Variants in INTS4 observed in about 807,000 individuals in gnomAD.
INTS4 encodes integrator complex subunit 4, also known as MSTP093.
In INTS4, 70 loss-of-function variants were observed where a neutral mutation model predicts 119.5. The ratio of observed to expected loss-of-function variants is 0.59; its 90% CI spans 0.48 to 0.71. INTS4 has a LOEUF of 0.71. Ranked by LOEUF, INTS4 falls within the 30% of genes least tolerant of loss-of-function variation. The probability of loss-of-function intolerance (pLI) is 0.00; values close to 1 mark genes in which losing one functional copy is unlikely to be tolerated. For missense variants in INTS4, 867 were observed against 1,173.2 expected, an observed-to-expected ratio of 0.74 and a Z score of 3.81; for synonymous variants, 316 against 419.6, an observed-to-expected ratio of 0.75 and a Z score of 3.02.
At chr11:77,963,041 A>G (rs1287040341) in intron 4 of INTS4, among the ~76,000 whole-genome samples, 1 of 152,100 alleles carries the variant, frequency 6.6e-6, no homozygotes, top group Non-Finnish European at 1.5e-5. Context: ...TTCAAAAACA[A>G]AACAAATGAA....
intron 2 of INTS4, among the ~76,000 whole-genome samples, chr11:77,989,840 A>G (rs1856595721): frequency 6.6e-6 from 1 of 152,204 alleles, no homozygotes; most frequent in Non-Finnish European, 1.5e-5. Flanking sequence ...TCGAGGGTAC[A>G]GTGAGCCGTG....
intron 2 of INTS4, among the ~76,000 whole-genome samples, chr11:77,990,185 A>AT (rs1856614162): frequency 6.7e-6 from 1 of 149,062 alleles, no homozygotes; most frequent in African/African-American, 2.5e-5. Context: ...TGCCACCACT[A>AT]TACTCCAGGC....
intron 1 of INTS4, 99 bp from the exon 2 acceptor site, chr11:77,991,398 G>A (rs763781330): frequency 1.1e-6 from 1 of 935,880 alleles, no homozygotes; most frequent in Non-Finnish European, 1.7e-6. Flanking sequence ...AATATATTTA[G>A]CTGATGGACT....
intron 21 of INTS4, among the ~76,000 whole-genome samples, chr11:77,885,893 T>C (rs1042661194): frequency 6.6e-6 from 1 of 151,780 alleles, no homozygotes; most frequent in African/African-American, 2.4e-5. Context: ...GAAAAACAAA[T>C]GAACAGGGGC....
chr11:77,907,999 T>C (rs1351921727), intron 15 of INTS4, among the ~76,000 whole-genome samples, 189 bp from the exon 16 acceptor site: 5 of 152,234 alleles, frequency 3.3e-5, no homozygotes, highest in Non-Finnish European at 7.3e-5. Context: ...TTTAAGCTGA[T>C]GTAACCCTTT....
At chr11:77,936,307 A>C (rs1010976454) in intron 10 of INTS4, among the ~76,000 whole-genome samples, 1 of 152,242 alleles carries the variant, frequency 6.6e-6, no homozygotes, top group Non-Finnish European at 1.5e-5. Flanking sequence ...AATTATAAAC[A>C]TATTATCTGT....
chr11:77,934,199 C>T (rs1953735335), intron 10 of INTS4, among the ~76,000 whole-genome samples: 1 of 151,928 alleles, frequency 6.6e-6, no homozygotes, highest in South Asian at 2.1e-4. Context: ...GCAGCATGCT[C>T]TTTAAGAGTC....
At chr11:77,980,844 C>T (rs1303039343) in intron 3 of INTS4, among the ~76,000 whole-genome samples, 3 of 151,932 alleles carry the variant, frequency 2.0e-5, no homozygotes, top group Non-Finnish European at 4.4e-5. Context: ...CAAAAAAAAT[C>T]AGCCAGGGCG....
At chr11:77,920,801 GA>G (rs1565245377) in intron 14 of INTS4, among the ~76,000 whole-genome samples, 1 of 151,910 alleles carries the variant, frequency 6.6e-6, no homozygotes. Context: ...GCAGTGAGCC[GA>G]GATCGTGCCA....
At chr11:77,939,353 G>C (rs1953873774) in intron 9 of INTS4, among the ~76,000 whole-genome samples, 1 of 152,146 alleles carries the variant, frequency 6.6e-6, no homozygotes, top group African/African-American at 2.4e-5. Flanking sequence ...GCACATGCCT[G>C]TAGTCCCAGC....
chr11:77,960,536 C>A (rs997918948), intron 5 of INTS4, 145 bp from the exon 6 acceptor site: 14 of 553,636 alleles, frequency 2.5e-5, no homozygotes, highest in Admixed American at 1.9e-4. Flanking sequence ...AAATAAGAAA[C>A]CTTGTCGTCT....
chr11:77,896,593 G>C (rs1565229751), intron 18 of INTS4, among the ~76,000 whole-genome samples: 2 of 151,494 alleles, frequency 1.3e-5, no homozygotes, highest in African/African-American at 4.8e-5. Context: ...TGGAGGTTGT[G>C]GGGAGCTGAG....
intron 16 of INTS4, among the ~76,000 whole-genome samples, chr11:77,906,676 C>T (rs763391741): frequency 6.6e-5 from 10 of 152,142 alleles, no homozygotes; most frequent in African/African-American, 2.4e-5. Flanking sequence ...AGTATACATA[C>T]GCACCTTTAC....
intron 4 of INTS4, among the ~76,000 whole-genome samples, chr11:77,976,676 C>T: frequency 6.6e-6 from 1 of 152,134 alleles, no homozygotes; most frequent in Admixed American, 6.6e-5. Context: ...GGAACCAACC[C>T]AAATGTCCAA....
At chr11:77,922,275 G>C in intron 13 of INTS4, 81 bp downstream of exon 13, 5 of 1,436,580 alleles carry the variant, frequency 3.5e-6, no homozygotes, top group Non-Finnish European at 4.6e-6. Flanking sequence ...AGAAAATTCA[G>C]ACTACCCTAG....
chr11:77,953,211 C>T (rs1428814648), intron 8 of INTS4, among the ~76,000 whole-genome samples: 1 of 152,154 alleles, frequency 6.6e-6, no homozygotes. Flanking sequence ...AAGCATTCAG[C>T]CAACAATCTC....
intron 4 of INTS4, among the ~76,000 whole-genome samples, chr11:77,971,582 G>C (rs971725240): frequency 1.3e-5 from 2 of 152,142 alleles, no homozygotes; most frequent in Admixed American, 1.3e-4. Flanking sequence ...AGAGGTTGCA[G>C]TGAGCCGAGG....
At chr11:77,969,152 C>T (rs1855611402) in intron 4 of INTS4, among the ~76,000 whole-genome samples, 1 of 152,130 alleles carries the variant, frequency 6.6e-6, no homozygotes, top group Non-Finnish European at 1.5e-5. Context: ...CCAGGCTGGT[C>T]TCAAACTCCT....
intron 10 of INTS4, among the ~76,000 whole-genome samples, chr11:77,935,147 T>C (rs1448280985): frequency 6.6e-6 from 1 of 152,156 alleles, no homozygotes; most frequent in African/African-American, 2.4e-5. Flanking sequence ...AGGATGTCTA[T>C]TACAAGATGG....
Sources: allele counts gnomAD v4.1 joint callset (sites outside exome capture counted in the v4.1 genomes callset), GRCh38; gene constraint gnomAD v4.1.1; transcripts MANE v1.5; gene names NCBI Gene and HGNC (gene_info 2026-07-23, HGNC 2026-07-21).